TACC2: variants seen among roughly 807,000 people sequenced by gnomAD.
The protein encoded by TACC2 is transforming acidic coiled-coil containing protein 2, also known as transforming acidic coiled-coil-containing protein 2.
TACC2 carries 137 observed loss-of-function variants against 227.3 expected under a neutral mutation model. That is an observed-to-expected ratio of 0.60 (90% CI 0.52 to 0.69). The LOEUF is 0.69. Among genes scored for constraint, TACC2 ranks in the 30% least tolerant of loss-of-function variants. The probability of loss-of-function intolerance (pLI) is 0.00; values close to 1 mark genes in which losing one functional copy is unlikely to be tolerated. For synonymous variants in TACC2, 1,523 were observed against 1,487.5 expected, an observed-to-expected ratio of 1.02 and a Z score of -0.55; for missense variants, 3,470 against 3,694.4, an observed-to-expected ratio of 0.94 and a Z score of 1.57.
intron 3 of TACC2, among the ~76,000 whole-genome samples, chr10:122,065,344 CT>C (rs2077268336): frequency 6.6e-6 from 1 of 152,160 alleles, no homozygotes; most frequent in Non-Finnish European, 1.5e-5. Context: ...CATTTTCATT[CT>C]GTTCAAATAC....
intron 7 of TACC2, among the ~76,000 whole-genome samples, chr10:122,175,591 T>G (rs147669284): frequency 1.8e-3 from 273 of 152,326 alleles, no homozygotes; most frequent in African/African-American, 6.0e-3. Flanking sequence ...TTTCTTCCAC[T>G]TCTTCAAATG....
chr10:122,164,819 T>G (rs921846380), intron 7 of TACC2, among the ~76,000 whole-genome samples: 2 of 152,214 alleles, frequency 1.3e-5, no homozygotes, highest in African/African-American at 4.8e-5. Flanking sequence ...GAGAAGACTA[T>G]GTTTCAGAGA....
Position 122,194,536 on chromosome 10 carries a change from G to A in TACC2, c.5835-504G>A, listed in dbSNP as rs531978917. Among the ~76,000 whole-genome samples the A allele has an allele frequency of 2.6e-5, 4 of 152,262 alleles. No individual in the cohort carries two copies. Among genetic ancestry groups the A allele is most frequent in the East Asian group, 1.9e-4 (1 of 5,180 alleles). ...TGGAGATACTGTGATAAACAAGGCC[G>A]GCTGCCCTCCTGTGTTTTGAGCTCC... is the stretch of plus-strand genomic sequence containing the variant. On this transcript the variant is annotated intron_variant, in intron 7 of 22. Coordinates refer to ENST00000369005, the MANE Select transcript of TACC2 (RefSeq NM_206862.4). This position sits in a 1 kb window ranked among gnomAD's most constrained non-coding sequence, Gnocchi z 4.4.
intron 7 of TACC2, among the ~76,000 whole-genome samples, chr10:122,148,133 C>T (rs990149877): frequency 3.7e-5 from 5 of 135,298 alleles, no homozygotes; most frequent in African/African-American, 1.2e-4. Flanking sequence ...GGCAGAGTTT[C>T]GCTCTCATAG....
At chr10:121,990,304 A>G (rs1484586720) in intron 1 of TACC2, among the ~76,000 whole-genome samples, 1 of 151,634 alleles carries the variant, frequency 6.6e-6, no homozygotes, top group African/African-American at 2.4e-5. Context: ...TTTTATAGAG[A>G]TGGGGGTCTC....
chr10:122,073,002 G>A lies in TACC2; in HGVS notation c.147-9645G>A, dbSNP rs1404018092. On this transcript the variant is annotated intron_variant, in intron 3 of 22. Coordinates refer to ENST00000369005, the MANE Select transcript of TACC2 (RefSeq NM_206862.4). ...GTGGCGCGGGCCTGTAGTCCCAGCT[G>A]CTAGGGAGGCTGAGGCAGGAGAATC... Among the ~76,000 whole-genome samples the A allele has an allele frequency of 3.3e-5, 5 of 150,028 alleles. 1 individual carries two copies. In the South Asian group the frequency reaches 1.1e-3, roughly 32 times the overall value.
chr10:122,249,804 G>A, intron 22 of TACC2, 140 bp downstream of exon 22: 1 of 1,089,314 alleles, frequency 9.2e-7, no homozygotes. Context: ...CATACCCTTG[G>A]TTCCTTCTAG....
At chr10:122,152,492 T>C (rs1288835259) in intron 7 of TACC2, among the ~76,000 whole-genome samples, 1 of 152,224 alleles carries the variant, frequency 6.6e-6, no homozygotes, top group Non-Finnish European at 1.5e-5. Flanking sequence ...CCCATATGTG[T>C]CCACGATTGG....
At chr10:122,004,417 A>G (rs1954815490) in intron 1 of TACC2, among the ~76,000 whole-genome samples, 1 of 151,150 alleles carries the variant, frequency 6.6e-6, no homozygotes, top group Non-Finnish European at 1.5e-5. Flanking sequence ...AAAAAAAATT[A>G]CACTCGTTCC....
chr10:122,226,885 A>C (rs929227090), intron 13 of TACC2, among the ~76,000 whole-genome samples: 3 of 152,202 alleles, frequency 2.0e-5, no homozygotes, highest in African/African-American at 7.2e-5. Context: ...CACACACTTT[A>C]TTCCATCATT....
rs201912981 is a variant in TACC2 at position 122,083,526 on chromosome 10, G to A, written c.1026G>A (p.Pro342=). 44 of 1,613,148 alleles carry A rather than the reference G, an allele frequency of 2.7e-5. No individual in the cohort carries two copies. Among genetic ancestry groups the A allele is most frequent in the South Asian group, 2.2e-4 (20 of 91,078 alleles). The stretch of plus-strand genomic sequence containing the variant: ...AGCAGCCAGTGGGAGCATATCTGCC[G>A]CACGCAGAGCTGCCCTGGGGCTTGC... ...SCQQPVGAYL[P]HAELPWGLPS... is the part of the protein sequence containing the mutation. The change falls in exon 4 of 23, where the codon CCG becomes CCA. Residue 342 remains proline (P), a synonymous_variant. Coordinates refer to ENST00000369005, the MANE Select transcript of TACC2 (RefSeq NM_206862.4).
At chr10:122,111,717 A>G (rs1038857678) in intron 5 of TACC2, among the ~76,000 whole-genome samples, 1 of 151,760 alleles carries the variant, frequency 6.6e-6, no homozygotes, top group Non-Finnish European at 1.5e-5. Context: ...GATGGTCTCA[A>G]TCTCCTGACC....
At chr10:122,136,545 G>A (rs11200427) in intron 6 of TACC2, among the ~76,000 whole-genome samples, 5,497 of 54,088 alleles carry the variant, frequency 0.1, 132 homozygotes, top group South Asian at 0.15. Context: ...GTGTGTGTGT[G>A]TATATATATA....
intron 5 of TACC2, among the ~76,000 whole-genome samples, chr10:122,090,572 AAAAG>A (rs924969399): frequency 3.3e-5 from 5 of 150,714 alleles, no homozygotes; most frequent in African/African-American, 1.2e-4. Flanking sequence ...AGAAAAAAAA[AAAAG>A]AAAGAAAAGT....
intron 2 of TACC2, among the ~76,000 whole-genome samples, chr10:122,034,630 C>G (rs2135875276): frequency 6.6e-6 from 1 of 152,176 alleles, no homozygotes; most frequent in South Asian, 2.1e-4. Context: ...CAAGATGGCT[C>G]TTAGAAGAAA....
At chr10:122,033,650 A>G (rs1959213402) in intron 2 of TACC2, among the ~76,000 whole-genome samples, 1 of 152,168 alleles carries the variant, frequency 6.6e-6, no homozygotes, top group Non-Finnish European at 1.5e-5. Flanking sequence ...GCTCTGCCCA[A>G]AGTGTTTGCC....
At chr10:122,118,396 C>G (rs1340690615) in intron 5 of TACC2, among the ~76,000 whole-genome samples, 1 of 152,190 alleles carries the variant, frequency 6.6e-6, no homozygotes. Context: ...TCTGGAACTC[C>G]CAGGTTGTCT....
Position 122,085,558 on chromosome 10 carries a change from G to A in TACC2, c.3058G>A (p.Ala1020Thr). ...ACQRHPGASE[A>T]ADGCSPLWGL... ...TCAAAGGCATCCAGGAGCTTCTGAAGCAGCTGATGGTTGTTCCCCACTCTG... is the reference window on the plus strand; with the variant it reads ...TCAAAGGCATCCAGGAGCTTCTGAAACAGCTGATGGTTGTTCCCCACTCTG... The change falls in exon 4 of 23, where the codon GCA becomes ACA. Residue 1020 changes from alanine (A) to threonine (T), a missense_variant. Coordinates refer to ENST00000369005, the MANE Select transcript of TACC2 (RefSeq NM_206862.4). 6.2e-7 allele frequency: 1 copy of A among 1,613,306 alleles called. No individual in the cohort carries two copies. The highest frequency in any genetic ancestry group is 1.1e-5 in the South Asian group (1 of 91,090).
chr10:122,008,264 A>ATTATTATTATTATTATTATTATT, intron 1 of TACC2, among the ~76,000 whole-genome samples: 1 of 134,654 alleles, frequency 7.4e-6, no homozygotes, highest in African/African-American at 2.8e-5. Flanking sequence ...TATTATTATT[A>ATTATTATTATTATTATTATTATT]TTTTTTTTTT....
Sources: gnomAD v4.1 joint callset for allele counts (sites outside exome capture counted in the v4.1 genomes callset) on GRCh38, gnomAD v4.1.1 for gene constraint, Gnocchi (gnomAD v3.1) non-coding constraint, MANE v1.5 for transcripts, NCBI Gene and HGNC (gene_info 2026-07-23, HGNC 2026-07-21) for gene names.